Variants in YTHDC2 observed in about 807,000 individuals in gnomAD.
YTHDC2 encodes the protein YTH N6-methyladenosine RNA binding protein C2, also known as 3'-5' RNA helicase YTHDC2.
Under a neutral mutation model 174.9 loss-of-function variants are expected in YTHDC2, and 45 were observed. The ratio of observed to expected loss-of-function variants is 0.26; its 90% CI spans 0.20 to 0.33. YTHDC2 has a LOEUF of 0.33. Among genes scored for constraint, YTHDC2 ranks in the 10% least tolerant of loss-of-function variants. YTHDC2 has a pLI of 1.00. For missense variants in YTHDC2, 1,650 were observed against 1,723.7 expected (o/e 0.96, Z 0.76); for synonymous variants, 657 against 574.5 (o/e 1.14, Z -2.05).
At chr5:113,577,414 G>T (rs1342059959) in intron 23 of YTHDC2, among the ~76,000 whole-genome samples, 1 of 152,114 alleles carries the variant, frequency 6.6e-6, no homozygotes. Flanking sequence ...CTGTCCCTCA[G>T]GCTGAAGTAC....
At position 113,586,853 on chromosome 5, in the gene YTHDC2, A is replaced by C. The variant is rs565306170; in HGVS notation, c.3825+2374A>C. On this transcript the variant is annotated intron_variant, in intron 26 of 29. Coordinates refer to ENST00000161863, the MANE Select transcript of YTHDC2 (RefSeq NM_022828.5). ...TATTGGACTCTTCAGTTTCATTAAT[A>C]TCTCTCTCTCTCTCTCTCTCTATAT... is the stretch of plus-strand genomic sequence containing the variant. 1.7e-3 allele frequency among the ~76,000 whole-genome samples: 211 copies of C among 126,314 alleles called. 1 individual carries two copies. The highest frequency in any genetic ancestry group is 2.6e-3 in the Non-Finnish European group (154 of 59,900). 82.9% of individuals were successfully genotyped at this position (126,314 alleles called of 152,430 possible).
intron 23 of YTHDC2, among the ~76,000 whole-genome samples, chr5:113,575,777 G>A (rs953180832): frequency 1.3e-5 from 2 of 152,202 alleles, no homozygotes; most frequent in African/African-American, 2.4e-5. Context: ...TGGCTAAGGG[G>A]ATGAATTACA....
At chr5:113,580,355 G>A (rs925878364) in intron 24 of YTHDC2, among the ~76,000 whole-genome samples, 2 of 152,094 alleles carry the variant, frequency 1.3e-5, no homozygotes, top group Non-Finnish European at 2.9e-5. Context: ...TTGTGTAACT[G>A]TGTTTTCTGA....
chr5:113,535,887 T>C, intron 7 of YTHDC2, 89 bp downstream of exon 7: 1 of 1,133,534 alleles, frequency 8.8e-7, no homozygotes, highest in South Asian at 1.7e-5. Flanking sequence ...GGGAATGTTC[T>C]GAAGTAGAGG....
intron 2 of YTHDC2, among the ~76,000 whole-genome samples, chr5:113,519,815 A>G (rs1231556360): frequency 6.6e-6 from 1 of 152,252 alleles, no homozygotes; most frequent in East Asian, 1.9e-4. Flanking sequence ...AATCAAGATT[A>G]GAAATTTACT....
At chr5:113,585,680 A>G (rs1373689149) in intron 26 of YTHDC2, among the ~76,000 whole-genome samples, 3 of 151,660 alleles carry the variant, frequency 2.0e-5, no homozygotes, top group East Asian at 3.9e-4. Context: ...ATGGAATCAT[A>G]TATATGTAAC....
chr5:113,590,019 G>A (rs1778922982), intron 26 of YTHDC2, among the ~76,000 whole-genome samples: 2 of 152,142 alleles, frequency 1.3e-5, no homozygotes, highest in Admixed American at 6.5e-5. Flanking sequence ...GTTCAGATTT[G>A]TAAAGAGCTA....
intron 8 of YTHDC2, 138 bp from the exon 9 acceptor site, chr5:113,540,830 A>G (rs1292480496): frequency 1.7e-5 from 12 of 711,110 alleles, no homozygotes; most frequent in Non-Finnish European, 2.7e-5. Flanking sequence ...AATATTCTTA[A>G]TATATTTTTT....
intron 2 of YTHDC2, among the ~76,000 whole-genome samples, chr5:113,524,596 A>G (rs554839493): frequency 3.9e-5 from 6 of 152,162 alleles, no homozygotes; most frequent in Non-Finnish European, 8.8e-5. Flanking sequence ...ATAGACCATA[A>G]CTTTTTCATT....
intron 13 of YTHDC2, 88 bp from the exon 14 acceptor site, chr5:113,553,502 G>A: frequency 6.7e-7 from 1 of 1,489,760 alleles, no homozygotes; most frequent in South Asian, 1.2e-5. Flanking sequence ...ACCAGTACTT[G>A]AAAACATGTG....
intron 4 of YTHDC2, among the ~76,000 whole-genome samples, chr5:113,527,587 T>G (rs1467409074): frequency 6.6e-6 from 1 of 152,180 alleles, no homozygotes; most frequent in Non-Finnish European, 1.5e-5. Flanking sequence ...ATTATATTGG[T>G]TAGTTTAATA....
At chr5:113,536,956 G>C (rs571528707) in intron 7 of YTHDC2, among the ~76,000 whole-genome samples, 1 of 152,152 alleles carries the variant, frequency 6.6e-6, no homozygotes, top group Non-Finnish European at 1.5e-5. Context: ...TTTATTTTAA[G>C]CACCTGCATA....
chr5:113,567,205 G>A lies in YTHDC2; in HGVS notation c.2956G>A (p.Val986Met), dbSNP rs765544167. The change falls in exon 22 of 30, where the codon GTG (valine) becomes ATG (methionine). Residue 986 changes from valine to methionine, a missense_variant. Transcript: ENST00000161863. ...VAGMYPNLVHVDRENLVLTGP... is the reference protein window; with the variant it reads ...VAGMYPNLVHMDRENLVLTGP... ...AGGCATGTATCCTAATTTAGTCCACGTGGACAGAGAGAATCTAGTGTTGAC... is the reference window on the plus strand; with the variant it reads ...AGGCATGTATCCTAATTTAGTCCACATGGACAGAGAGAATCTAGTGTTGAC... 17 of 1,613,606 alleles carry A rather than the reference G, an allele frequency of 1.1e-5. No individual in the cohort carries two copies. The highest frequency in any genetic ancestry group is 2.7e-5 in the African/African-American group (2 of 74,804).
chr5:113,548,817 T>G (rs1158570621), intron 11 of YTHDC2, 138 bp from the exon 12 acceptor site: 1 of 1,146,370 alleles, frequency 8.7e-7, no homozygotes. Flanking sequence ...TTTGAATGAC[T>G]TGTTTTTTAA....
At position 113,513,886 on chromosome 5, in the gene YTHDC2, C is replaced by A; in HGVS notation, c.-10C>A. On this transcript the variant is annotated 5_prime_UTR_variant, in exon 1 of 30. Coordinates refer to ENST00000161863, the MANE Select transcript of YTHDC2 (RefSeq NM_022828.5). ...CCGCTCCCGTGCGGAGAGACCATCT[C>A]TTCAGGGCAATGTCCAGGCCGAGCA... is the stretch of plus-strand genomic sequence containing the variant. 1.3e-6 allele frequency: 2 copies of A among 1,599,570 alleles called. No homozygotes were observed. The highest frequency in any genetic ancestry group is 2.3e-5 in the East Asian group (1 of 44,418).
intron 2 of YTHDC2, among the ~76,000 whole-genome samples, chr5:113,521,604 G>A (rs1352243455): frequency 6.6e-6 from 1 of 151,644 alleles, no homozygotes; most frequent in African/African-American, 2.4e-5. Flanking sequence ...GGTGGCGGGC[G>A]GCTGTAGTCC....
In YTHDC2 at chr5:113,574,949, A is replaced by G. The variant is rs376249701; in HGVS notation, c.3245-4637A>G. On this transcript the variant is annotated intron_variant, in intron 23 of 29. Coordinates refer to ENST00000161863, the MANE Select transcript of YTHDC2 (RefSeq NM_022828.5). ...GTGGTTTCCCGGGAGGGGTCATATA[A>G]TCACTCACTGCTTCCCTTGGCTGGG... 2.1e-4 allele frequency among the ~76,000 whole-genome samples: 32 copies of G among 152,238 alleles called. No homozygotes were observed. The South Asian group carries it at 6.6e-3, about 32-fold the overall frequency.
At chr5:113,518,375 A>AT (rs1438906282) in intron 2 of YTHDC2, among the ~76,000 whole-genome samples, 1 of 150,604 alleles carries the variant, frequency 6.6e-6, no homozygotes, top group Non-Finnish European at 1.5e-5. Context: ...TAATTTTTCT[A>AT]TTTTTTGTAG....
intron 4 of YTHDC2, among the ~76,000 whole-genome samples, chr5:113,530,646 A>G (rs560060880): frequency 1.3e-5 from 2 of 152,340 alleles, no homozygotes; most frequent in South Asian, 4.1e-4. Context: ...TAAGATATAT[A>G]CATAATCAGC....
Sources: allele counts gnomAD v4.1 joint callset (sites outside exome capture counted in the v4.1 genomes callset), GRCh38; gene constraint gnomAD v4.1.1; transcripts MANE v1.5; gene names NCBI Gene and HGNC (gene_info 2026-07-23, HGNC 2026-07-21).